The following PXK variants were observed in gnomAD, a reference collection of about 807,000 sequenced individuals.
PXK encodes PX domain-containing protein kinase-like protein.
A neutral mutation model predicts 84.7 loss-of-function variants in PXK; 35 were observed. That is an observed-to-expected ratio of 0.41 (90% CI 0.32 to 0.55). The LOEUF (loss-of-function observed/expected upper bound fraction) is 0.55, where lower values mean the gene tolerates loss of function less well. PXK is among the 20% of genes least tolerant of loss of function. The pLI, the probability that PXK is intolerant of heterozygous loss-of-function variation, is 0.21. For synonymous variants in PXK, 253 were observed against 260.8 expected (o/e 0.97, Z 0.29); for missense variants, 634 against 699.7 (o/e 0.91, Z 1.06).
At chr3:58,424,569 A>G (rs960124360) in intron 17 of PXK, among the ~76,000 whole-genome samples, 183 bp from the exon 18 acceptor site, 2 of 152,164 alleles carry the variant, frequency 1.3e-5, no homozygotes, top group African/African-American at 4.8e-5. Context: ...GCAACTTTTA[A>G]TTCCCCTTTG....
At chr3:58,355,115 C>G (rs2098042342) in intron 1 of PXK, among the ~76,000 whole-genome samples, 1 of 142,586 alleles carries the variant, frequency 7.0e-6, no homozygotes, top group Non-Finnish European at 1.5e-5. Context: ...CAAAGTGAGA[C>G]TCTGTCTCAA....
In PXK at chr3:58,425,207, T is replaced by C; in HGVS notation, c.*247T>C. ...CCCTGTAAAGGAGTCTTGTTTATCC[T>C]CTAATGGCCAGGCTTTTGGGACAGC... On this transcript the variant is annotated 3_prime_UTR_variant, in exon 18 of 18. Transcript: ENST00000356151. 2.1e-6 allele frequency: 1 copy of C among 482,046 alleles called. No individual in the cohort carries two copies. The highest frequency in any genetic ancestry group is 3.7e-6 in the Non-Finnish European group (1 of 273,024). 29.9% of individuals were successfully genotyped at this position (482,046 alleles called of 1,614,324 possible). A position where few individuals can be genotyped will look rare whatever the true frequency, so the allele number is the denominator to read the frequency against.
Position 58,409,448 on chromosome 3 carries a change from T to C in PXK, c.1309-84T>C. Reference sequence around the variant, plus strand: ...GATTTTCTTTTATCCCAATAAAATGTGGTTTGCCAAAACATGTTGGAGAAG... The same window carrying C: ...GATTTTCTTTTATCCCAATAAAATGCGGTTTGCCAAAACATGTTGGAGAAG... On this transcript the variant is annotated intron_variant, in intron 14 of 17. Transcript: ENST00000356151. This position sits in a 1 kb window ranked among gnomAD's most constrained non-coding sequence, Gnocchi z 4.2. 8.0e-7 allele frequency: 1 copy of C among 1,246,280 alleles called. No individual in the cohort carries two copies. The highest frequency in any genetic ancestry group is 1.2e-6 in the Non-Finnish European group (1 of 865,748). The allele number at this position is 1,246,280 out of a possible 1,614,324, so 77.2% of individuals were successfully genotyped here.
chr3:58,424,303 C>G (rs2062467544), intron 17 of PXK, among the ~76,000 whole-genome samples: 1 of 152,168 alleles, frequency 6.6e-6, no homozygotes, highest in Non-Finnish European at 1.5e-5. Flanking sequence ...CTGTTCACCC[C>G]TTATGAATAA....
At chr3:58,365,762 C>A in intron 1 of PXK, 112 bp from the exon 2 acceptor site, 1 of 791,512 alleles carries the variant, frequency 1.3e-6, no homozygotes. Context: ...TGGTAAATTT[C>A]CTTGCTCTGA....
rs1021490920 is a variant in PXK, at chr3:58,390,048, C to T, written c.389-534C>T. Among the ~76,000 whole-genome samples, 5 of 150,242 alleles carry T rather than the reference C, an allele frequency of 3.3e-5. No individual in the cohort carries two copies. The highest frequency in any genetic ancestry group is 6.6e-5 in the Admixed American group (1 of 15,054). ...AACAATTTAGCCAGGCGTGATGGCC[C>T]ATGCTTGTAGTCCCAGCTATTCGGG... On this transcript the variant is annotated intron_variant, in intron 4 of 17. Transcript: ENST00000356151. This position sits in a 1 kb window ranked among gnomAD's most constrained non-coding sequence, Gnocchi z 4.2.
Position 58,412,866 on chromosome 3 carries a change from G to A in PXK, c.1466-35G>A. On this transcript the variant is annotated intron_variant, in intron 16 of 17. Transcript: ENST00000356151. This position sits in a 1 kb window ranked among gnomAD's most constrained non-coding sequence, Gnocchi z 6.2. ...GGCCAAATTCCAAATGTCTTTCGTT[G>A]GTCCCCATGAGGGTTTCTCTGTGTT... 1 of 1,609,798 alleles carries A rather than the reference G, an allele frequency of 6.2e-7. No homozygotes were observed. The highest frequency in any genetic ancestry group is 8.5e-7 in the Non-Finnish European group (1 of 1,176,130).
In PXK at chr3:58,390,286, G is replaced by A. The variant is rs1166163629; in HGVS notation, c.389-296G>A. On this transcript the variant is annotated intron_variant, in intron 4 of 17. Transcript: ENST00000356151. This position sits in a 1 kb window ranked among gnomAD's most constrained non-coding sequence, Gnocchi z 4.2. ...AATGTTAATATTTTATATAACCATG[G>A]CACATTTATCAAAACTAGAAGTGAA... 6.6e-6 allele frequency among the ~76,000 whole-genome samples: 1 copy of A among 152,080 alleles called. No individual in the cohort carries two copies. The highest frequency in any genetic ancestry group is 1.5e-5 in the Non-Finnish European group (1 of 68,008).
intron 1 of PXK, among the ~76,000 whole-genome samples, chr3:58,362,805 C>T (rs1418150996): frequency 6.6e-6 from 1 of 152,122 alleles, no homozygotes; most frequent in Non-Finnish European, 1.5e-5. Flanking sequence ...CTTCAGCCTC[C>T]CAGGCTCAAG....
intron 4 of PXK, among the ~76,000 whole-genome samples, chr3:58,388,501 A>G (rs967766607): frequency 2.6e-5 from 4 of 152,250 alleles, no homozygotes; most frequent in African/African-American, 9.6e-5. Flanking sequence ...CTTTGGAAAT[A>G]CTAAAAACAC....
At chr3:58,402,244 C>T (rs1303398207) in intron 12 of PXK, among the ~76,000 whole-genome samples, 1 of 145,388 alleles carries the variant, frequency 6.9e-6, no homozygotes, top group Non-Finnish European at 1.5e-5. Flanking sequence ...TTCCCTCCCC[C>T]TCGCACTCCC....
intron 1 of PXK, among the ~76,000 whole-genome samples, chr3:58,362,581 G>T (rs938855856): frequency 1.3e-5 from 2 of 152,122 alleles, no homozygotes; most frequent in African/African-American, 2.4e-5. Flanking sequence ...ATTTAATTAG[G>T]CATACTTATA....
chr3:58,349,443 C>A (rs1248234688), intron 1 of PXK, among the ~76,000 whole-genome samples: 1 of 150,530 alleles, frequency 6.6e-6, no homozygotes. Flanking sequence ...GCAACCTCTG[C>A]CTCCCCGGTT....
rs776253841 is a variant in PXK at position 58,382,612 on chromosome 3, C to T, written c.300C>T (p.Leu100=). The T allele has an allele frequency of 3.7e-6, 6 of 1,606,930 alleles. No homozygotes were observed. The African/African-American group carries it at 8.1e-5, about 22-fold the overall frequency. The part of the protein sequence containing the change: ...AERQKGLQNY[L]NVITTNHILS... ...GGCAGAAAGGTCTTCAGAACTATCTCAACGTGATCACAACAAATCATATCT... is the reference window on the plus strand; with the variant it reads ...GGCAGAAAGGTCTTCAGAACTATCTTAACGTGATCACAACAAATCATATCT... The change falls in exon 4 of 18, where the codon CTC becomes CTT. Residue 100 remains leucine (L), a synonymous_variant. Transcript: ENST00000356151.
intron 3 of PXK, among the ~76,000 whole-genome samples, chr3:58,378,984 G>A (rs2098473033): frequency 6.6e-6 from 1 of 151,530 alleles, no homozygotes; most frequent in Non-Finnish European, 1.5e-5. Context: ...GGGCAGTGGT[G>A]CAATCTTGGC....
At chr3:58,418,913 A>G (rs1304845782) in intron 17 of PXK, among the ~76,000 whole-genome samples, 1 of 152,208 alleles carries the variant, frequency 6.6e-6, no homozygotes, top group Admixed American at 6.5e-5. Context: ...AAACAGATGA[A>G]TAAGAGAAAA....
chr3:58,382,890 C>T (rs935880284), intron 4 of PXK, among the ~76,000 whole-genome samples, 190 bp downstream of exon 4: 2 of 152,198 alleles, frequency 1.3e-5, no homozygotes, highest in African/African-American at 4.8e-5. Flanking sequence ...AAATAAGTTA[C>T]TTCCAAAATA....
chr3:58,411,534 G>A lies in PXK; in HGVS notation c.1466-1367G>A, dbSNP rs912776118. Among the ~76,000 whole-genome samples, 3 of 152,100 alleles carry A rather than the reference G, an allele frequency of 2.0e-5. No individual in the cohort carries two copies. The highest frequency in any genetic ancestry group is 4.8e-5 in the African/African-American group (2 of 41,406). Reference sequence around the variant, plus strand: ...CCGGTCATGGTCATTATTATACTGAGACTCATGATTCCAACCAGCAGTCAT... The same window carrying A: ...CCGGTCATGGTCATTATTATACTGAAACTCATGATTCCAACCAGCAGTCAT... On this transcript the variant is annotated intron_variant, in intron 16 of 17. Coordinates refer to ENST00000356151, the MANE Select transcript of PXK (RefSeq NM_017771.5). This position sits in a 1 kb window ranked among gnomAD's most constrained non-coding sequence, Gnocchi z 4.2.
rs2058501627 is a variant in PXK at position 58,401,154 on chromosome 3, T to C, written c.1181+1777T>C. Among the ~76,000 whole-genome samples the C allele has an allele frequency of 6.6e-6, 1 of 152,176 alleles. No homozygotes were observed. The highest frequency in any genetic ancestry group is 2.4e-5 in the African/African-American group (1 of 41,440). ...ACCTAAGTCTTTCTACGATGTGGGC[T>C]TCAGCTATGAGAAGAGCTCCTGGAC... On this transcript the variant is annotated intron_variant, in intron 12 of 17. Coordinates refer to ENST00000356151, the MANE Select transcript of PXK (RefSeq NM_017771.5). The surrounding 1 kb of genome is among the most constrained non-coding windows in gnomAD (Gnocchi z 4.4).
Sources: allele counts gnomAD v4.1 joint callset (sites outside exome capture counted in the v4.1 genomes callset), GRCh38; gene constraint gnomAD v4.1.1; non-coding constraint Gnocchi (gnomAD v3.1); transcripts MANE v1.5; gene names NCBI Gene and HGNC (gene_info 2026-07-23, HGNC 2026-07-21).